TP53INP1: variants seen among roughly 807,000 people sequenced by gnomAD.
TP53INP1 encodes the protein tumor protein p53-inducible nuclear protein 1.
Under a neutral mutation model 21.0 loss-of-function variants are expected in TP53INP1, and 12 were observed. The ratio of observed to expected loss-of-function variants is 0.57; its 90% CI spans 0.37 to 0.93. The LOEUF (loss-of-function observed/expected upper bound fraction) is 0.93, where lower values mean the gene tolerates loss of function less well. Among genes scored for constraint, TP53INP1 ranks in the 40% least tolerant of loss-of-function variants. TP53INP1 has a pLI of 0.01. For missense variants in TP53INP1, 274 were observed against 294.7 expected (o/e 0.93, Z 0.51); for synonymous variants, 91 against 94.8 (o/e 0.96, Z 0.23).
At chr8:94,938,119 C>G (rs141378229) in intron 3 of TP53INP1, among the ~76,000 whole-genome samples, 17 of 152,300 alleles carry the variant, frequency 1.1e-4, no homozygotes, top group Admixed American at 5.2e-4. Context: ...TTTCTAAGCT[C>G]AGGTATACCA....
intron 3 of TP53INP1, among the ~76,000 whole-genome samples, chr8:94,936,074 A>G (rs1186656499): frequency 6.6e-6 from 1 of 152,116 alleles, no homozygotes; most frequent in Non-Finnish European, 1.5e-5. Context: ...GACTGTGAAC[A>G]CCTCTCAGTA....
intron 3 of TP53INP1, among the ~76,000 whole-genome samples, chr8:94,935,467 G>A (rs1358306904): frequency 1.3e-5 from 2 of 152,080 alleles, no homozygotes; most frequent in African/African-American, 4.8e-5. Flanking sequence ...GTAAATTCGG[G>A]GAAACTTAAA....
intron 3 of TP53INP1, among the ~76,000 whole-genome samples, chr8:94,933,895 G>A (rs1372005444): frequency 7.1e-6 from 1 of 141,652 alleles, no homozygotes; most frequent in Non-Finnish European, 1.5e-5. Flanking sequence ...ACATGGTGAA[G>A]CCCCGTCTCT....
chr8:94,927,699 AAAAC>A lies in TP53INP1; in HGVS notation c.*2776_*2779del, dbSNP rs1198742747. 1 of 152,316 alleles carries A rather than the reference AAAAC, an allele frequency of 6.6e-6. No homozygotes were observed. Among genetic ancestry groups the A allele is most frequent in the Non-Finnish European group, 1.5e-5 (1 of 68,036 alleles). 9.4% of individuals were successfully genotyped at this position (152,316 alleles called of 1,614,324 possible). On this transcript the variant is annotated 3_prime_UTR_variant, in exon 4 of 4. Coordinates refer to ENST00000342697, the MANE Select transcript of TP53INP1 (RefSeq NM_033285.4). ...TATATTATAAAATGTTTTGTCAACA[AAAAC>A]AAACTTTGAGAAACATGGCGCACTA...
intron 1 of TP53INP1, among the ~76,000 whole-genome samples, chr8:94,944,975 C>T (rs1320946732): frequency 2.0e-5 from 3 of 152,166 alleles, no homozygotes; most frequent in Non-Finnish European, 4.4e-5. Context: ...GAGAGACCCT[C>T]CCCCCATTGC....
rs1820273634 is a variant in TP53INP1 at position 94,930,396 on chromosome 8, GACA to G, written c.*80_*82del. 4 of 1,549,656 alleles carry G rather than the reference GACA, an allele frequency of 2.6e-6. No individual in the cohort carries two copies. In the Admixed American group the frequency reaches 5.6e-5, roughly 22 times the overall value. ...ATTGGTTATCAATTGGTTGTAAAGA[GACA>G]ACATTTTCACTGTACATATACACAC... On this transcript the variant is annotated 3_prime_UTR_variant, in exon 4 of 4. Transcript: ENST00000342697.
At chr8:94,930,848 T>C (rs1395649385) in intron 3 of TP53INP1, 120 bp from the exon 4 acceptor site, 3 of 1,157,230 alleles carry the variant, frequency 2.6e-6, no homozygotes, top group Non-Finnish European at 3.6e-6. Context: ...TGAGAGCTTG[T>C]GTTTCATGGC....
rs1821364236 is a variant in TP53INP1, at chr8:94,939,980, G to C, written c.353C>G (p.Pro118Arg). The stretch of plus-strand genomic sequence containing the variant: ...ATGTTCAATGAGAAGGTTTTCCATA[G>C]GACTTGTTTCCACCTTGATAGTGGT... ...GLTTIKVETS[P>R]MENLLIEHPS... Residue 118 changes from proline (P) to arginine (R), a missense_variant, in exon 3 of 4, where the codon CCT becomes CGT. Physicochemically the swap from Pro to Arg is moderately radical, Grantham distance 103. Coordinates refer to ENST00000342697, the MANE Select transcript of TP53INP1 (RefSeq NM_033285.4). 1 of 1,614,020 alleles carries C rather than the reference G, an allele frequency of 6.2e-7. No homozygotes were observed. The highest frequency in any genetic ancestry group is 8.5e-7 in the Non-Finnish European group (1 of 1,180,040).
At chr8:94,944,953 A>C (rs1400887982) in intron 1 of TP53INP1, among the ~76,000 whole-genome samples, 1 of 152,216 alleles carries the variant, frequency 6.6e-6, no homozygotes, top group African/African-American at 2.4e-5. Flanking sequence ...CACAAAAGGC[A>C]AGGAGCTATT....
At chr8:94,941,151 A>G (rs1821491859) in intron 1 of TP53INP1, 60 bp from the exon 2 acceptor site, 2 of 507,356 alleles carry the variant, frequency 3.9e-6, no homozygotes, top group Non-Finnish European at 7.0e-6. Context: ...ATACATAAGT[A>G]CATACACATA....
At chr8:94,935,628 A>G (rs2131341305) in intron 3 of TP53INP1, among the ~76,000 whole-genome samples, 1 of 152,318 alleles carries the variant, frequency 6.6e-6, no homozygotes, top group Admixed American at 6.5e-5. Flanking sequence ...ACAAGTGGGT[A>G]AAATGGTCGG....
intron 3 of TP53INP1, chr8:94,932,053 A>G: frequency 6.2e-7 from 1 of 1,607,150 alleles, no homozygotes; most frequent in Non-Finnish European, 8.5e-7. Flanking sequence ...ACACAGTCTC[A>G]AAGTGAATAT....
chr8:94,940,740 TCA>T (rs2131368418), intron 2 of TP53INP1, 88 bp downstream of exon 2: 2 of 917,872 alleles, frequency 2.2e-6, no homozygotes, highest in East Asian at 5.0e-5. Context: ...TGAAAACCCC[TCA>T]GTTATTGGTT....
chr8:94,943,001 G>A (rs902172154), intron 1 of TP53INP1, among the ~76,000 whole-genome samples: 1 of 152,168 alleles, frequency 6.6e-6, no homozygotes, highest in African/African-American at 2.4e-5. Flanking sequence ...AACCATTTAG[G>A]GAAACAGGAA....
intron 1 of TP53INP1, among the ~76,000 whole-genome samples, chr8:94,948,468 G>A (rs1563738368): frequency 6.6e-6 from 1 of 152,230 alleles, no homozygotes; most frequent in African/African-American, 2.4e-5. Context: ...TCTTTCCACA[G>A]GTGCAAAGTC....
intron 1 of TP53INP1, among the ~76,000 whole-genome samples, chr8:94,942,463 T>C (rs1269462398): frequency 6.6e-6 from 1 of 152,234 alleles, no homozygotes; most frequent in East Asian, 1.9e-4. Context: ...AGCCAAACTG[T>C]TGTCTCTGAG....
intron 1 of TP53INP1, among the ~76,000 whole-genome samples, chr8:94,946,750 C>T (rs1337288971): frequency 7.2e-6 from 1 of 138,666 alleles, no homozygotes; most frequent in Non-Finnish European, 1.6e-5. Flanking sequence ...AATCTTGGCT[C>T]TGCTACTTGC....
At position 94,928,819 on chromosome 8, in the gene TP53INP1, A is replaced by G. The variant is rs1305092650; in HGVS notation, c.*1660T>C. ...CAAGCCACTACAGGGTTATTGAAAA[A>G]TATAATACTTCACTTAAGGATATGC... On this transcript the variant is annotated 3_prime_UTR_variant, in exon 4 of 4. Coordinates refer to ENST00000342697, the MANE Select transcript of TP53INP1 (RefSeq NM_033285.4). 2 of 152,368 alleles carry G rather than the reference A, an allele frequency of 1.3e-5. No homozygotes were observed. The highest frequency in any genetic ancestry group is 1.3e-4 in the Admixed American group (2 of 15,288). 9.4% of individuals were successfully genotyped at this position (152,368 alleles called of 1,614,324 possible). A position where few individuals can be genotyped will look rare whatever the true frequency, so the allele number is the denominator to read the frequency against.
At chr8:94,932,635 C>G (rs577275606) in intron 3 of TP53INP1, among the ~76,000 whole-genome samples, 1 of 152,190 alleles carries the variant, frequency 6.6e-6, no homozygotes, top group East Asian at 1.9e-4. Flanking sequence ...AACCCCGTCT[C>G]TACTAAAAAT....
Sources: allele counts gnomAD v4.1 joint callset (sites outside exome capture counted in the v4.1 genomes callset), GRCh38; gene constraint gnomAD v4.1.1; transcripts MANE v1.5; gene names NCBI Gene and HGNC (gene_info 2026-07-23, HGNC 2026-07-21).